Variants in SELE observed in about 807,000 individuals in gnomAD.
The protein encoded by SELE is E-selectin.
In SELE, 52 loss-of-function variants were observed where a neutral mutation model predicts 75.8. The ratio of observed to expected loss-of-function variants is 0.69; its 90% CI spans 0.55 to 0.86. The LOEUF is 0.86. SELE is among the 40% of genes least tolerant of loss of function. The pLI is 0.00. For missense variants in SELE, 754 were observed against 732.7 expected (o/e 1.03, Z -0.34); for synonymous variants, 285 against 258.7 (o/e 1.10, Z -0.98).
rs1648806111 is a variant in SELE at position 169,727,531 on chromosome 1, A to G, written c.1469-6T>C. The G allele has an allele frequency of 4.3e-6, 7 of 1,611,136 alleles. No homozygotes were observed. Among genetic ancestry groups the G allele is most frequent in the Non-Finnish European group, 5.9e-6 (7 of 1,178,714 alleles). ...CAGGCTTGAACATTTTACCACTGCA[A>G]ATGTTAGGTACACAGGCAGAGTTTC... is the stretch of plus-strand genomic sequence containing the variant. On this transcript the variant is annotated splice_polypyrimidine_tract_variant and splice_region_variant and intron_variant, in intron 9 of 13. Transcript: ENST00000333360.
Position 169,732,700 on chromosome 1 carries a change from C to T in SELE, c.336G>A (p.Val112=). The change falls in exon 3 of 14, where the codon GTG becomes GTA. Residue 112 remains valine, a synonymous_variant. Coordinates refer to ENST00000333360, the MANE Select transcript of SELE (RefSeq NM_000450.2). ...CTTTTTCTCTCTTGATGTAGATCTC[C>T]ACGCAGTCCTCATCTTTTTGCCTAT... The part of the protein sequence containing the change: ...PNNRQKDEDC[V]EIYIKREKDV... 6.2e-7 allele frequency: 1 copy of T among 1,610,578 alleles called. No homozygotes were observed. Among genetic ancestry groups the T allele is most frequent in the East Asian group, 2.2e-5 (1 of 44,626 alleles).
intron 5 of SELE, 67 bp from the exon 6 acceptor site, chr1:169,729,740 G>A: frequency 6.6e-7 from 1 of 1,505,382 alleles, no homozygotes; most frequent in Non-Finnish European, 9.1e-7. Context: ...ATTGAGCTGG[G>A]TGCCTAACAG....
At chr1:169,727,280 T>A in intron 10 of SELE, 69 bp downstream of exon 10, 1 of 1,508,276 alleles carries the variant, frequency 6.6e-7, no homozygotes, top group Non-Finnish European at 9.0e-7. Context: ...AATAGTTGAT[T>A]ACTGTAACAA....
At position 169,729,197 on chromosome 1, in the gene SELE, G is replaced by T; in HGVS notation, c.1079C>A (p.Pro360Gln). The T allele has an allele frequency of 6.2e-7, 1 of 1,604,402 alleles. No homozygotes were observed. Among genetic ancestry groups the T allele is most frequent in the Non-Finnish European group, 8.5e-7 (1 of 1,174,052 alleles). ...TTQGQWTQQIPVCEAFQCTAL... is the reference protein window; with the variant it reads ...TTQGQWTQQIQVCEAFQCTAL... The stretch of plus-strand genomic sequence containing the variant: ...GATCTCAAGCTTACCTTCACAAACT[G>T]GGATTTGCTGTGTCCACTGCCCTTG... The change falls in exon 7 of 14, where the codon CCA becomes CAA. Residue 360 changes from proline to glutamine, a missense_variant. Physicochemically the swap from Pro to Gln is moderately conservative, Grantham distance 76 (BLOSUM62 -1). Transcript: ENST00000333360.
At position 169,729,302 on chromosome 1, in the gene SELE, A is replaced by G. The variant is rs1385378143; in HGVS notation, c.974T>C (p.Phe325Ser). 6.2e-7 allele frequency: 1 copy of G among 1,614,168 alleles called. No individual in the cohort carries two copies. The highest frequency in any genetic ancestry group is 8.5e-7 in the Non-Finnish European group (1 of 1,180,012). The change falls in exon 7 of 14, where the codon TTC (phenylalanine) becomes TCC (serine). Residue 325 changes from phenylalanine (F) to serine (S), a missense_variant. Physicochemically the swap from Phe to Ser is radical, Grantham distance 155 (BLOSUM62 -2). Transcript: ENST00000333360. ...GAAGTTGCAGGATGATTTGAAGGTG[A>G]ACTCTCCAGCAGGGGAATGGCTGCA... is the stretch of plus-strand genomic sequence containing the variant. ...VRCSHSPAGEFTFKSSCNFTC... is the reference protein window; with the variant it reads ...VRCSHSPAGESTFKSSCNFTC...
intron 5 of SELE, 35 bp from the exon 6 acceptor site, chr1:169,729,708 A>T: frequency 6.2e-7 from 1 of 1,603,420 alleles, no homozygotes; most frequent in Non-Finnish European, 8.5e-7. Flanking sequence ...AATTTTACAG[A>T]AGAATGATCT....
rs112286813 is a variant in SELE, at chr1:169,722,644, C to T, written c.*1881G>A. 2.6e-5 allele frequency: 4 copies of T among 152,090 alleles called. No individual in the cohort carries two copies. Among genetic ancestry groups the T allele is most frequent in the African/African-American group, 7.2e-5 (3 of 41,418 alleles). 9.4% of individuals were successfully genotyped at this position (152,090 alleles called of 1,614,324 possible). A position where few individuals can be genotyped will look rare whatever the true frequency, so the allele number is the denominator to read the frequency against. The stretch of plus-strand genomic sequence containing the variant: ...GAAAGAGACTTAACACAGAGATAAA[C>T]ATAAGCACATTTATTGTCAACCTTT... On this transcript the variant is annotated 3_prime_UTR_variant, in exon 14 of 14. Transcript: ENST00000333360.
chr1:169,729,722 C>G, intron 5 of SELE, 49 bp from the exon 6 acceptor site: 1 of 1,581,694 alleles, frequency 6.3e-7, no homozygotes, highest in Non-Finnish European at 8.7e-7. Context: ...ATGATCTTTT[C>G]ACTTCCTATT....
Position 169,733,957 on chromosome 1 carries a change from C to T in SELE, c.-49+14G>A, listed in dbSNP as rs1029822961. 1.1e-5 allele frequency: 3 copies of T among 274,712 alleles called. No individual in the cohort carries two copies. The highest frequency in any genetic ancestry group is 8.5e-5 in the East Asian group (1 of 11,812). The allele number at this position is 274,712 out of a possible 1,614,324, so 17.0% of individuals were successfully genotyped here. On this transcript the variant is annotated intron_variant, in intron 1 of 13. Coordinates refer to ENST00000333360, the MANE Select transcript of SELE (RefSeq NM_000450.2). ...ATGGCCCGAGGCTGCCCTTATAAAG[C>T]GTTCTGCACTTACCGTTTTGGGAAG...
At position 169,728,397 on chromosome 1, in the gene SELE, C is replaced by A. The variant is rs1051644804; in HGVS notation, c.1091-151G>T. 27 of 727,504 alleles carry A rather than the reference C, an allele frequency of 3.7e-5. No homozygotes were observed. In the African/African-American group the frequency reaches 4.5e-4, roughly 12 times the overall value. The allele number at this position is 727,504 out of a possible 1,614,324, so 45.1% of individuals were successfully genotyped here. On this transcript the variant is annotated intron_variant, in intron 7 of 13. Coordinates refer to ENST00000333360, the MANE Select transcript of SELE (RefSeq NM_000450.2). ...ACAAATGGGAAGATGGCTGTGTTTT[C>A]TTTGAATTTCAGCCCCCTCACTGAT...
At chr1:169,728,375 A>C in intron 7 of SELE, 129 bp from the exon 8 acceptor site, 1 of 840,476 alleles carries the variant, frequency 1.2e-6, no homozygotes, top group South Asian at 2.0e-5. Flanking sequence ...TCCCTGGACA[A>C]ATGGGAAGAT....
chr1:169,723,128 C>T lies in SELE; in HGVS notation c.*1397G>A, dbSNP rs1648666981. 1 of 152,174 alleles carries T rather than the reference C, an allele frequency of 6.6e-6. No individual in the cohort carries two copies. The highest frequency in any genetic ancestry group is 1.5e-5 in the Non-Finnish European group (1 of 68,028). 9.4% of individuals were successfully genotyped at this position (152,174 alleles called of 1,614,324 possible). A position where few individuals can be genotyped will look rare whatever the true frequency, so the allele number is the denominator to read the frequency against. ...TGGCAATTACTGACTGAGAATTTTT[C>T]ATTGCCAGTGATCAACTGAAAACTG... On this transcript the variant is annotated 3_prime_UTR_variant, in exon 14 of 14. Transcript: ENST00000333360.
intron 3 of SELE, 129 bp from the exon 4 acceptor site, chr1:169,732,071 A>G (rs1030908630): frequency 5.4e-6 from 3 of 552,702 alleles, no homozygotes; most frequent in South Asian, 5.1e-5. Context: ...CTTTAACTGA[A>G]GTGTTTTACA....
chr1:169,727,518 T>C lies in SELE; in HGVS notation c.1476A>G (p.Lys492=), dbSNP rs762178393. Residue 492 remains lysine, a synonymous_variant, in exon 10 of 14, where the codon AAA becomes AAG. Transcript: ENST00000333360. ...TEEVPSCQVV[K]CSSLAVPGKI... is the part of the protein sequence containing the mutation. ...TTCCCGGAACTGCCAGGCTTGAACATTTTACCACTGCAAATGTTAGGTACA... is the reference window on the plus strand; with the variant it reads ...TTCCCGGAACTGCCAGGCTTGAACACTTTACCACTGCAAATGTTAGGTACA... The C allele has an allele frequency of 2.5e-6, 4 of 1,612,784 alleles. No homozygotes were observed. The Admixed American group carries it at 5.0e-5, about 20-fold the overall frequency.
At chr1:169,728,323 T>C in intron 7 of SELE, 77 bp from the exon 8 acceptor site, 1 of 1,355,188 alleles carries the variant, frequency 7.4e-7, no homozygotes, top group Non-Finnish European at 1.0e-6. Context: ...GTGAACCCAG[T>C]TCATTCAAGC....
chr1:169,731,159 G>T (rs1448224425), intron 4 of SELE, among the ~76,000 whole-genome samples: 2 of 152,160 alleles, frequency 1.3e-5, no homozygotes, highest in African/African-American at 2.4e-5. Flanking sequence ...TTAAAATTCA[G>T]TTCCTCAGTG....
chr1:169,731,764 C>T (rs1244957674), intron 4 of SELE, 71 bp downstream of exon 4: 1 of 1,039,088 alleles, frequency 9.6e-7, no homozygotes, highest in Non-Finnish European at 1.5e-6. Flanking sequence ...GCAGACCTGA[C>T]TCTAATGCCA....
At chr1:169,725,137 C>A (rs898502545) in intron 13 of SELE, among the ~76,000 whole-genome samples, 1 of 152,134 alleles carries the variant, frequency 6.6e-6, no homozygotes, top group African/African-American at 2.4e-5. Context: ...CCTGTAATCC[C>A]AGCACTTTGA....
intron 5 of SELE, among the ~76,000 whole-genome samples, chr1:169,729,971 AC>A (rs1176117915): frequency 6.6e-6 from 1 of 152,194 alleles, no homozygotes; most frequent in East Asian, 1.9e-4. Context: ...ACTAGTACTG[AC>A]ATACGTAGGC....
Sources: gnomAD v4.1 joint callset for allele counts (sites outside exome capture counted in the v4.1 genomes callset) on GRCh38, gnomAD v4.1.1 for gene constraint, MANE v1.5 for transcripts, NCBI Gene and HGNC (gene_info 2026-07-23, HGNC 2026-07-21) for gene names.